MECR: variants seen among roughly 807,000 people sequenced by gnomAD.
The protein encoded by MECR is enoyl-[acyl-carrier-protein] reductase, mitochondrial.
A neutral mutation model predicts 49.1 loss-of-function variants in MECR; 37 were observed. That is an observed-to-expected ratio of 0.75 (90% CI 0.58 to 0.99). MECR has a LOEUF of 0.99. Ranked by LOEUF, MECR falls within the 50% of genes least tolerant of loss-of-function variation. The pLI, the probability that MECR is intolerant of heterozygous loss-of-function variation, is 0.00. For missense variants in MECR, 470 were observed against 479.6 expected (o/e 0.98, Z 0.19); for synonymous variants, 198 against 191.1 (o/e 1.04, Z -0.30).
the MECR span, among the ~76,000 whole-genome samples, chr1:29,173,739 C>T: frequency 6.6e-5 from 10 of 151,468 alleles, no homozygotes; most frequent in Admixed American, 2.6e-4. Context: ...TGTGAGCCAC[C>T]GCACCTGGTC....
chr1:29,195,201 C>T (rs1320485720), intron 9 of MECR, among the ~76,000 whole-genome samples: 1 of 152,188 alleles, frequency 6.6e-6, no homozygotes, highest in Non-Finnish European at 1.5e-5. Flanking sequence ...AACCTGGTCA[C>T]AACCCACTCA....
downstream of MECR, among the ~76,000 whole-genome samples, chr1:29,191,152 G>C (rs976695508): frequency 6.6e-6 from 1 of 152,112 alleles, no homozygotes; most frequent in Admixed American, 6.6e-5. Flanking sequence ...ACTGTTCTCA[G>C]GCATTCTGCA....
chr1:29,217,785 G>A (rs1412455721), intron 1 of MECR, among the ~76,000 whole-genome samples: 1 of 152,188 alleles, frequency 6.6e-6, no homozygotes, highest in Non-Finnish European at 1.5e-5. Context: ...CAGGGGAGAG[G>A]AGATATTTCT....
intron 1 of MECR, chr1:29,223,690 G>C (rs1681345398): frequency 6.6e-6 from 1 of 152,290 alleles, no homozygotes; most frequent in Non-Finnish European, 1.5e-5. Context: ...TGGTCCCCTG[G>C]TCACCAAACT....
Position 29,216,592 on chromosome 1 carries a change from G to A in MECR, c.270C>T (p.Ile90=). 1 of 1,614,074 alleles carries A rather than the reference G, an allele frequency of 6.2e-7. No individual in the cohort carries two copies. Among genetic ancestry groups the A allele is most frequent in the East Asian group, 2.2e-5 (1 of 44,880 alleles). The change falls in exon 2 of 10, where the codon ATC becomes ATT. Residue 90 remains isoleucine, a synonymous_variant. Coordinates refer to ENST00000263702, the MANE Select transcript of MECR (RefSeq NM_016011.5). The stretch of plus-strand genomic sequence containing the variant: ...AGCCACAGAAACCAAGGTTACCTTG[G>A]ATCATATTTATGTCAGATGGATTGA... ...APINPSDINM[I]QGNYGFLPEL...
the MECR span, chr1:29,181,825 G>A: frequency 8.7e-6 from 11 of 1,269,966 alleles, no homozygotes; most frequent in Non-Finnish European, 1.1e-5. Context: ...CGAGAGCACG[G>A]CGGCAGCGGC....
In MECR at chr1:29,230,594, C is replaced by A. The variant is rs1574561103; in HGVS notation, c.176+137G>T. 9.7e-6 allele frequency: 11 copies of A among 1,128,516 alleles called. No homozygotes were observed. The East Asian group carries it at 1.9e-4, about 19-fold the overall frequency. 69.9% of individuals were successfully genotyped at this position (1,128,516 alleles called of 1,614,324 possible). A position where few individuals can be genotyped will look rare whatever the true frequency, so the allele number is the denominator to read the frequency against. ...TACGGTCTTTCTGACCTACCAAAAA[C>A]GCCCTGGGCTTCGGCTTCGGTTTGC... is the stretch of plus-strand genomic sequence containing the variant. On this transcript the variant is annotated intron_variant, in intron 1 of 9. Transcript: ENST00000263702.
the MECR span, among the ~76,000 whole-genome samples, chr1:29,168,078 C>T: frequency 1.2e-4 from 18 of 150,692 alleles, no homozygotes; most frequent in Non-Finnish European, 2.2e-4. Flanking sequence ...CGCAGCGGCG[C>T]GATCTCCACT....
the MECR span, among the ~76,000 whole-genome samples, chr1:29,187,391 T>A: frequency 4.0e-5 from 6 of 151,112 alleles, no homozygotes; most frequent in African/African-American, 1.5e-4. Flanking sequence ...TTTTTTTGTA[T>A]TTTTAGTAGA....
At chr1:29,223,014 A>T (rs1681147243) in intron 1 of MECR, 5 of 880,210 alleles carry the variant, frequency 5.7e-6, no homozygotes, top group Non-Finnish European at 6.8e-6. Flanking sequence ...AATGATAGCA[A>T]TTTCTTCCCT....
In MECR at chr1:29,195,748, G is replaced by A. The variant is rs985509935; in HGVS notation, c.964+193C>T. On this transcript the variant is annotated intron_variant, in intron 9 of 9. Transcript: ENST00000263702. ...GGGGGCAGTGTCTGTCTTGTTCTGC[G>A]CCCCTAAGACTAACCCAGTTTAGTC... 2.9e-4 allele frequency among the ~76,000 whole-genome samples: 44 copies of A among 152,220 alleles called. 1 individual carries two copies. Among genetic ancestry groups the A allele is most frequent in the East Asian group, 5.8e-4 (3 of 5,168 alleles).
At chr1:29,198,368 A>T (rs1674518005) in intron 7 of MECR, among the ~76,000 whole-genome samples, 1 of 152,182 alleles carries the variant, frequency 6.6e-6, no homozygotes, top group African/African-American at 2.4e-5. Flanking sequence ...TTTTTCACGT[A>T]TTGCCTAACT....
chr1:29,176,767 G>A, the MECR span, among the ~76,000 whole-genome samples: 8 of 152,172 alleles, frequency 5.3e-5, no homozygotes, highest in East Asian at 3.9e-4. Flanking sequence ...AAACAAGGGC[G>A]AAAACAAAAA....
chr1:29,217,352 G>A (rs1307900414), intron 1 of MECR, among the ~76,000 whole-genome samples: 2 of 150,878 alleles, frequency 1.3e-5, no homozygotes, highest in South Asian at 2.1e-4. Context: ...TGGGACTAGA[G>A]GTGCCTGCCA....
chr1:29,173,402 C>T, the MECR span: 1 of 151,008 alleles, frequency 6.6e-6, no homozygotes, highest in Admixed American at 6.6e-5. Flanking sequence ...CCTCGGCCTC[C>T]CAAAGTGCTG....
the MECR span, among the ~76,000 whole-genome samples, chr1:29,177,607 GGGC>G: frequency 4.3e-4 from 66 of 152,008 alleles, no homozygotes; most frequent in Non-Finnish European, 8.1e-4. Context: ...GAAGTTTATG[GGGC>G]GGGTAGAAAA....
At chr1:29,214,198 AC>A (rs937792411) in intron 3 of MECR, among the ~76,000 whole-genome samples, 2 of 150,226 alleles carry the variant, frequency 1.3e-5, no homozygotes, top group Non-Finnish European at 2.9e-5. Context: ...AGTAGCTGGG[AC>A]TACAGGTGCA....
the MECR span, among the ~76,000 whole-genome samples, chr1:29,183,004 TG>T: frequency 2.6e-5 from 4 of 152,242 alleles, no homozygotes; most frequent in Non-Finnish European, 4.4e-5. Context: ...ACTAACGCCA[TG>T]TACCTAGAAC....
At chr1:29,192,192 T>C (rs1052496568), downstream of MECR, among the ~76,000 whole-genome samples, 1 of 152,162 alleles carries the variant, frequency 6.6e-6, no homozygotes, top group African/African-American at 2.4e-5. Context: ...CCTGACATCA[T>C]GGTCCTTTGT....
Sources: allele counts gnomAD v4.1 joint callset (sites outside exome capture counted in the v4.1 genomes callset), GRCh38; gene constraint gnomAD v4.1.1; transcripts MANE v1.5; gene names NCBI Gene and HGNC (gene_info 2026-07-23, HGNC 2026-07-21).